The following MAP2K4 variants were observed in gnomAD, a reference collection of about 807,000 sequenced individuals.
MAP2K4 encodes mitogen-activated protein kinase kinase 4.
A neutral mutation model predicts 48.5 loss-of-function variants in MAP2K4; 4 were observed. The ratio of observed to expected loss-of-function variants is 0.08; its 90% CI spans 0.04 to 0.19. MAP2K4 has a LOEUF of 0.19. Ranked by LOEUF, MAP2K4 falls within the 10% of genes least tolerant of loss-of-function variation. MAP2K4 has a pLI of 1.00. For missense variants in MAP2K4, 258 were observed against 493.3 expected, an observed-to-expected ratio of 0.52 and a Z score of 4.52; for synonymous variants, 166 against 173.1, an observed-to-expected ratio of 0.96 and a Z score of 0.32.
intron 7 of MAP2K4, among the ~76,000 whole-genome samples, chr17:12,116,067 C>T (rs925347962): frequency 1.2e-4 from 18 of 152,102 alleles, no homozygotes; most frequent in Non-Finnish European, 1.9e-4. Flanking sequence ...GATGAGTATC[C>T]CTGTAGGTCG....
At chr17:12,096,761 G>A (rs1414550028) in intron 4 of MAP2K4, among the ~76,000 whole-genome samples, 3 of 152,114 alleles carry the variant, frequency 2.0e-5, no homozygotes, top group Admixed American at 2.0e-4. Context: ...CTTATAATTG[G>A]AAACAATGTT....
At position 12,142,930 on chromosome 17, in the gene MAP2K4, A is replaced by G. The variant is rs1973417770; in HGVS notation, c.*1670A>G. 1 of 232,668 alleles carries G rather than the reference A, an allele frequency of 4.3e-6. No individual in the cohort carries two copies. The highest frequency in any genetic ancestry group is 8.5e-6 in the Non-Finnish European group (1 of 117,718). 14.4% of individuals were successfully genotyped at this position (232,668 alleles called of 1,614,324 possible). On this transcript the variant is annotated 3_prime_UTR_variant, in exon 11 of 11. Transcript: ENST00000353533. Reference sequence around the variant, plus strand: ...ATTACAGAACCAAATCGTGGCACGTATTGCTGTGTCTCCTCTCAGAGTGAC... The same window carrying G: ...ATTACAGAACCAAATCGTGGCACGTGTTGCTGTGTCTCCTCTCAGAGTGAC...
At chr17:12,034,740 G>A (rs985732554) in intron 1 of MAP2K4, among the ~76,000 whole-genome samples, 4 of 152,218 alleles carry the variant, frequency 2.6e-5, no homozygotes, top group African/African-American at 9.6e-5. Flanking sequence ...GAACCAGGGT[G>A]AGGATGGTGC....
At chr17:12,120,560 G>C (rs1972657465) in intron 7 of MAP2K4, among the ~76,000 whole-genome samples, 1 of 122,740 alleles carries the variant, frequency 8.1e-6, no homozygotes, top group South Asian at 2.9e-4. Context: ...AAGAAAAAAT[G>C]CTCTTGATGA....
chr17:12,085,581 C>CA (rs1971334681), intron 3 of MAP2K4, among the ~76,000 whole-genome samples: 1 of 152,076 alleles, frequency 6.6e-6, no homozygotes, highest in East Asian at 1.9e-4. Flanking sequence ...TCTACCCTTT[C>CA]ACCTCTACTG....
intron 1 of MAP2K4, among the ~76,000 whole-genome samples, chr17:12,043,108 T>A (rs1217059028): frequency 1.3e-5 from 2 of 152,208 alleles, no homozygotes; most frequent in African/African-American, 4.8e-5. Flanking sequence ...GACATCTGGC[T>A]TGATAATCCT....
intron 4 of MAP2K4, among the ~76,000 whole-genome samples, chr17:12,098,332 G>A (rs1189985864): frequency 6.6e-6 from 1 of 152,074 alleles, no homozygotes; most frequent in East Asian, 1.9e-4. Flanking sequence ...ACAAAAATTA[G>A]CCAGGCGTGG....
In MAP2K4 at chr17:12,105,601, A is replaced by T. The variant is rs1042241365; in HGVS notation, c.514-2189A>T. Among the ~76,000 whole-genome samples the T allele has an allele frequency of 3.3e-5, 5 of 152,014 alleles. 1 individual carries two copies. In the South Asian group the frequency reaches 6.2e-4, roughly 19 times the overall value. On this transcript the variant is annotated intron_variant, in intron 4 of 10. Coordinates refer to ENST00000353533, the MANE Select transcript of MAP2K4 (RefSeq NM_003010.4). ...TCTTCTGCATTTCAGACCTGTGGTC[A>T]TCCTGTTTTCTGCTTGAGCATGACA...
Position 12,102,947 on chromosome 17 carries a change from A to G in MAP2K4, c.514-4843A>G, listed in dbSNP as rs535292965. ...TTTATGTCTTCTTTTTTTCTTCCCA[A>G]TTAGTCCAGCTAGAGGTTTATCAAT... is the stretch of plus-strand genomic sequence containing the variant. On this transcript the variant is annotated intron_variant, in intron 4 of 10. Coordinates refer to ENST00000353533, the MANE Select transcript of MAP2K4 (RefSeq NM_003010.4). Among the ~76,000 whole-genome samples the G allele has an allele frequency of 5.4e-4, 81 of 150,324 alleles. 2 individuals carry two copies. The highest frequency in any genetic ancestry group is 5.3e-4 in the Admixed American group (8 of 15,036).
intron 3 of MAP2K4, among the ~76,000 whole-genome samples, chr17:12,091,122 T>G (rs970349742): frequency 2.0e-5 from 3 of 152,208 alleles, no homozygotes; most frequent in Non-Finnish European, 4.4e-5. Flanking sequence ...ATTTACATTG[T>G]TCTTCAGTAT....
At chr17:12,039,502 C>G (rs1259543101) in intron 1 of MAP2K4, among the ~76,000 whole-genome samples, 1 of 152,158 alleles carries the variant, frequency 6.6e-6, no homozygotes, top group Non-Finnish European at 1.5e-5. Flanking sequence ...ATTCTTCTTC[C>G]CTCCAGCTAT....
intron 9 of MAP2K4, among the ~76,000 whole-genome samples, chr17:12,132,972 T>C (rs181310513): frequency 4.3e-4 from 66 of 152,352 alleles, no homozygotes; most frequent in African/African-American, 1.5e-3. Flanking sequence ...ATTCTGGAGA[T>C]GTATAGAAAT....
Position 12,115,538 on chromosome 17 carries a change from C to T in MAP2K4, c.813+2178C>T, listed in dbSNP as rs376786046. On this transcript the variant is annotated intron_variant, in intron 7 of 10. Coordinates refer to ENST00000353533, the MANE Select transcript of MAP2K4 (RefSeq NM_003010.4). ...TATAAAGGAGGTAGAGGTGACGGGC[C>T]GGAGAAAGATGGAAGACTACCAGGC... 2.8e-3 allele frequency: 1,469 copies of T among 518,696 alleles called. 17 individuals are homozygous for T. In the African/African-American group the frequency reaches 0.077, roughly 27 times the overall value. 32.1% of individuals were successfully genotyped at this position (518,696 alleles called of 1,614,324 possible).
rs1973417206 is a variant in MAP2K4, at chr17:12,142,919, T to TCGTGGC, written c.*1660_*1665dup. 4.3e-6 allele frequency: 1 copy of TCGTGGC among 232,636 alleles called. No individual in the cohort carries two copies. Among genetic ancestry groups the TCGTGGC allele is most frequent in the African/African-American group, 2.2e-5 (1 of 45,292 alleles). 14.4% of individuals were successfully genotyped at this position (232,636 alleles called of 1,614,324 possible). ...CAGGTGATGCCATTACAGAACCAAA[T>TCGTGGC]CGTGGCACGTATTGCTGTGTCTCCT... On this transcript the variant is annotated 3_prime_UTR_variant, in exon 11 of 11. Transcript: ENST00000353533.
At chr17:12,070,707 T>C (rs1970773593) in intron 2 of MAP2K4, among the ~76,000 whole-genome samples, 2 of 152,234 alleles carry the variant, frequency 1.3e-5, no homozygotes, top group African/African-American at 4.8e-5. Flanking sequence ...TTGCTTGTTT[T>C]TGTAAGTAAA....
intron 2 of MAP2K4, among the ~76,000 whole-genome samples, chr17:12,057,959 AT>A (rs928447027): frequency 3.3e-5 from 5 of 150,000 alleles, no homozygotes; most frequent in African/African-American, 4.9e-5. Context: ...ACATCTTATA[AT>A]TTTTTTTTCA....
At chr17:12,099,125 C>T (rs1452256507) in intron 4 of MAP2K4, among the ~76,000 whole-genome samples, 1 of 151,872 alleles carries the variant, frequency 6.6e-6, no homozygotes, top group Non-Finnish European at 1.5e-5. Context: ...TTTAGCTCCC[C>T]CTTATAAGCG....
rs775865598 is a variant in MAP2K4 at position 12,107,747 on chromosome 17, T to TAA, written c.514-42_514-41insAA. 39 of 1,503,882 alleles carry TAA rather than the reference T, an allele frequency of 2.6e-5. No individual in the cohort carries two copies. The South Asian group carries it at 4.8e-4, about 19-fold the overall frequency. The allele number at this position is 1,503,882 out of a possible 1,614,324, so 93.2% of individuals were successfully genotyped here. ...TCCATTTTAAGTAAAGGCAAGGTGA[T>TAA]ATTTAAGATGTATAAGAATAACAGA... On this transcript the variant is annotated intron_variant, in intron 4 of 10. Transcript: ENST00000353533.
chr17:12,022,048 AATT>A (rs1969092181), intron 1 of MAP2K4, among the ~76,000 whole-genome samples: 1 of 152,202 alleles, frequency 6.6e-6, no homozygotes, highest in Non-Finnish European at 1.5e-5. Flanking sequence ...GCTTGTGTTG[AATT>A]ATTAACAGAA....
Sources: allele counts gnomAD v4.1 joint callset (sites outside exome capture counted in the v4.1 genomes callset), GRCh38; gene constraint gnomAD v4.1.1; transcripts MANE v1.5; gene names NCBI Gene and HGNC (gene_info 2026-07-23, HGNC 2026-07-21).